The following POC1A variants were observed in gnomAD, a reference collection of about 807,000 sequenced individuals.
POC1A encodes the protein POC1 centriolar protein A, also known as POC1 centriolar protein homolog A.
In POC1A, 34 loss-of-function variants were observed where a neutral mutation model predicts 47.8. That is an observed-to-expected ratio of 0.71 (90% confidence interval 0.54 to 0.95). The LOEUF (loss-of-function observed/expected upper bound fraction) is 0.95, where lower values mean the gene tolerates loss of function less well. Among genes scored for constraint, POC1A ranks in the 40% least tolerant of loss-of-function variants. POC1A has a pLI of 0.00. For synonymous variants in POC1A, 177 were observed against 207.6 expected, an observed-to-expected ratio of 0.85 and a Z score of 1.27; for missense variants, 466 against 528.3, an observed-to-expected ratio of 0.88 and a Z score of 1.16.
At chr3:52,100,241 A>G (rs1702951861) in intron 9 of POC1A, among the ~76,000 whole-genome samples, 1 of 152,238 alleles carries the variant, frequency 6.6e-6, no homozygotes, top group Non-Finnish European at 1.5e-5. Context: ...ATAACATTTC[A>G]TTAAAAACAA....
chr3:52,101,855 G>A (rs1703016291), intron 9 of POC1A, among the ~76,000 whole-genome samples: 1 of 151,838 alleles, frequency 6.6e-6, no homozygotes, highest in Non-Finnish European at 1.5e-5. Flanking sequence ...TTTCTGGAGG[G>A]GAAAAAAAGG....
At chr3:52,091,431 C>T (rs965354541) in intron 10 of POC1A, among the ~76,000 whole-genome samples, 8 of 152,236 alleles carry the variant, frequency 5.3e-5, no homozygotes, top group African/African-American at 1.9e-4. Context: ...AGAAGTATCA[C>T]ATACATCTTC....
intron 9 of POC1A, among the ~76,000 whole-genome samples, chr3:52,103,961 T>C (rs1003409943): frequency 6.6e-6 from 1 of 152,196 alleles, no homozygotes; most frequent in African/African-American, 2.4e-5. Flanking sequence ...CATACACCTA[T>C]TATATGTCCC....
intron 6 of POC1A, among the ~76,000 whole-genome samples, chr3:52,140,347 G>A (rs1698149393): frequency 6.6e-6 from 1 of 152,194 alleles, no homozygotes; most frequent in African/African-American, 2.4e-5. Flanking sequence ...GCTCTTGGAG[G>A]CAGAATTCAG....
chr3:52,133,345 T>C (rs971362555), intron 7 of POC1A, among the ~76,000 whole-genome samples: 1 of 152,152 alleles, frequency 6.6e-6, no homozygotes, highest in Non-Finnish European at 1.5e-5. Context: ...GAGAAATAAC[T>C]TTCTGTTCTT....
intron 7 of POC1A, among the ~76,000 whole-genome samples, chr3:52,131,589 T>A (rs1018211310): frequency 6.6e-6 from 1 of 152,056 alleles, no homozygotes; most frequent in Non-Finnish European, 1.5e-5. Context: ...GCCCTTGAGA[T>A]GACTGGAAGG....
chr3:52,143,049 G>A (rs536296923), intron 6 of POC1A, among the ~76,000 whole-genome samples: 4 of 152,062 alleles, frequency 2.6e-5, no homozygotes, highest in Non-Finnish European at 4.4e-5. Flanking sequence ...CACTGGCCAC[G>A]GCATTGAGCA....
intron 10 of POC1A, among the ~76,000 whole-genome samples, chr3:52,080,712 G>A (rs1172394584): frequency 6.6e-6 from 1 of 152,220 alleles, no homozygotes; most frequent in Non-Finnish European, 1.5e-5. Context: ...CACTGTCAAC[G>A]CTTCTTTCAC....
intron 10 of POC1A, among the ~76,000 whole-genome samples, 163 bp from the exon 11 acceptor site, chr3:52,076,148 G>A (rs1382175365): frequency 6.6e-6 from 1 of 152,182 alleles, no homozygotes; most frequent in African/African-American, 2.4e-5. Context: ...TGGTGCTATT[G>A]GGATAGCCCT....
intron 9 of POC1A, among the ~76,000 whole-genome samples, chr3:52,104,911 C>A (rs564214261): frequency 1.3e-5 from 2 of 152,334 alleles, no homozygotes; most frequent in South Asian, 4.1e-4. Context: ...GGTCAGCAGG[C>A]TGGAGCTTGA....
At chr3:52,113,993 T>C (rs990957743) in intron 9 of POC1A, among the ~76,000 whole-genome samples, 8 of 152,180 alleles carry the variant, frequency 5.3e-5, no homozygotes, top group African/African-American at 1.7e-4. Flanking sequence ...GCACAAAGGA[T>C]GCAATGCAGA....
chr3:52,090,598 G>T lies in POC1A; in HGVS notation c.1125+5971C>A, dbSNP rs1370582785. Among the ~76,000 whole-genome samples the T allele has an allele frequency of 6.6e-6, 1 of 152,218 alleles. No homozygotes were observed. Among genetic ancestry groups the T allele is most frequent in the African/African-American group, 2.4e-5 (1 of 41,438 alleles). On this transcript the variant is annotated intron_variant, in intron 10 of 10. Transcript: ENST00000296484. The surrounding 1 kb of genome is among the most constrained non-coding windows in gnomAD (Gnocchi z 4.2). ...ATGAAGGAAGCCACAGAGCCAGCGT[G>T]GAGGTGAGCTCATGTAGCAGTGGCT...
intron 10 of POC1A, among the ~76,000 whole-genome samples, chr3:52,094,469 C>G (rs1447035008): frequency 1.3e-5 from 2 of 152,232 alleles, no homozygotes; most frequent in African/African-American, 2.4e-5. Context: ...ATAGCTCTGG[C>G]TGTGGCTGGA....
At chr3:52,130,716 A>G (rs1704180636) in intron 7 of POC1A, among the ~76,000 whole-genome samples, 1 of 152,146 alleles carries the variant, frequency 6.6e-6, no homozygotes, top group Non-Finnish European at 1.5e-5. Context: ...TCTCACAGAA[A>G]CAAGGGAGGG....
intron 6 of POC1A, among the ~76,000 whole-genome samples, chr3:52,140,511 G>C (rs1381954874): frequency 6.6e-6 from 1 of 152,188 alleles, no homozygotes; most frequent in Admixed American, 6.5e-5. Context: ...AAGGTGGCAG[G>C]GTCAGTGTAT....
chr3:52,135,698 TCTC>T (rs985519141), intron 7 of POC1A, among the ~76,000 whole-genome samples: 1 of 151,836 alleles, frequency 6.6e-6, no homozygotes, highest in Non-Finnish European at 1.5e-5. Context: ...AGTAAGGCCT[TCTC>T]CTGGGCATCC....
intron 6 of POC1A, among the ~76,000 whole-genome samples, chr3:52,138,749 G>A (rs1698077326): frequency 6.6e-6 from 1 of 152,238 alleles, no homozygotes; most frequent in Non-Finnish European, 1.5e-5. Context: ...AAGGACGTGT[G>A]TGGGGGCAGA....
intron 8 of POC1A, 56 bp downstream of exon 8, chr3:52,125,057 C>T (rs918323751): frequency 3.7e-6 from 5 of 1,366,218 alleles, no homozygotes; most frequent in Admixed American, 3.4e-5. Context: ...TGGTTCTGAG[C>T]AGAAATCAGC....
At chr3:52,150,692 G>A (rs1283083097) in intron 2 of POC1A, among the ~76,000 whole-genome samples, 1 of 152,138 alleles carries the variant, frequency 6.6e-6, no homozygotes, top group Non-Finnish European at 1.5e-5. Context: ...CAAGGAAAAG[G>A]AGTCACTGTT....
Sources: gnomAD v4.1 joint callset for allele counts (sites outside exome capture counted in the v4.1 genomes callset) on GRCh38, gnomAD v4.1.1 for gene constraint, Gnocchi (gnomAD v3.1) non-coding constraint, MANE v1.5 for transcripts, NCBI Gene and HGNC (gene_info 2026-07-23, HGNC 2026-07-21) for gene names.